ZRANB3: variants seen among roughly 807,000 people sequenced by gnomAD.
ZRANB3 encodes the protein DNA annealing helicase and endonuclease ZRANB3.
ZRANB3 carries 125 observed loss-of-function variants against 133.8 expected under a neutral mutation model. The observed-to-expected ratio is 0.93, with a 90% CI of 0.81 to 1.08. The LOEUF (loss-of-function observed/expected upper bound fraction) is 1.08. ZRANB3 is among the 50% of genes least tolerant of loss of function. ZRANB3 has a pLI of 0.00. For synonymous variants in ZRANB3, 387 were observed against 432.7 expected (o/e 0.89, Z 1.31); for missense variants, 1,229 against 1,275.5 (o/e 0.96, Z 0.56).
rs565426774 is a variant in ZRANB3, at chr2:135,368,493, TTAAAA to T, written c.181-14870_181-14866del. 2.2e-4 allele frequency among the ~76,000 whole-genome samples: 34 copies of T among 152,056 alleles called. No individual in the cohort carries two copies. In the South Asian group the frequency reaches 5.8e-3, roughly 26 times the overall value. On this transcript the variant is annotated intron_variant, in intron 3 of 20. Coordinates refer to ENST00000264159, the MANE Select transcript of ZRANB3 (RefSeq NM_032143.4). ...TAACATCATGTCATAAACTAATAAG[TTAAAA>T]TAAAATAACAAAATATTATGAAAAT...
intron 13 of ZRANB3, among the ~76,000 whole-genome samples, chr2:135,228,932 T>C (rs1338461844): frequency 6.6e-6 from 1 of 152,216 alleles, no homozygotes; most frequent in Non-Finnish European, 1.5e-5. Flanking sequence ...ATTTTCATTG[T>C]TGCTCTTGGT....
At chr2:135,231,606 C>CA (rs896125430) in intron 12 of ZRANB3, among the ~76,000 whole-genome samples, 11 of 151,660 alleles carry the variant, frequency 7.3e-5, no homozygotes, top group South Asian at 2.1e-4. Flanking sequence ...CAAAAAAACA[C>CA]AAAAAAACAA....
rs995706952 is a variant in ZRANB3 at position 135,350,166 on chromosome 2, C to T, written c.409G>A (p.Ala137Thr). ...GCATCTATCAAAGTCTTTGCATCTGCGGTTAAGAGACCATAACCCAGAACT... is the reference window on the plus strand; with the variant it reads ...GCATCTATCAAAGTCTTTGCATCTGTGGTTAAGAGACCATAACCCAGAACT... ...VTVLGYGLLTADAKTLIDALN... is the reference protein window; with the variant it reads ...VTVLGYGLLTTDAKTLIDALN... The change falls in exon 5 of 21, where the codon GCA becomes ACA. Residue 137 changes from alanine to threonine, a missense_variant. Ala to Thr is a moderately conservative substitution (Grantham distance 58). Transcript: ENST00000264159. The T allele has an allele frequency of 9.9e-6, 16 of 1,609,994 alleles. No individual in the cohort carries two copies. The highest frequency in any genetic ancestry group is 4.0e-5 in the African/African-American group (3 of 75,002).
Position 135,229,821 on chromosome 2 carries a change from G to A in ZRANB3, c.1954+692C>T, listed in dbSNP as rs571547758. Among the ~76,000 whole-genome samples, 156 of 152,132 alleles carry A rather than the reference G, an allele frequency of 1.0e-3. 1 individual carries two copies. Among genetic ancestry groups the A allele is most frequent in the African/African-American group, 3.3e-3 (136 of 41,480 alleles). On this transcript the variant is annotated intron_variant, in intron 13 of 20. Transcript: ENST00000264159. Reference sequence around the variant, plus strand: ...TCTATAGAATTGGAAACAAGAATACGCATGATCTTTTTCTTACGACAACCA... The same window carrying A: ...TCTATAGAATTGGAAACAAGAATACACATGATCTTTTTCTTACGACAACCA...
At chr2:135,381,753 C>G (rs1686710154) in intron 3 of ZRANB3, among the ~76,000 whole-genome samples, 1 of 152,160 alleles carries the variant, frequency 6.6e-6, no homozygotes, top group South Asian at 2.1e-4. Flanking sequence ...GGACCTCCAG[C>G]AACTTCCAAC....
intron 12 of ZRANB3, among the ~76,000 whole-genome samples, chr2:135,232,077 C>T (rs541733875): frequency 5.0e-4 from 76 of 152,298 alleles, no homozygotes; most frequent in East Asian, 1.2e-3. Flanking sequence ...CCTGGAAAAT[C>T]GGGTCACTCC....
intron 2 of ZRANB3, among the ~76,000 whole-genome samples, chr2:135,410,525 C>A (rs188863116): frequency 6.6e-6 from 1 of 152,156 alleles, no homozygotes; most frequent in East Asian, 1.9e-4. Context: ...CCTCAAACTA[C>A]AAAATTCCTA....
At chr2:135,292,638 G>C (rs533744929) in intron 8 of ZRANB3, among the ~76,000 whole-genome samples, 9 of 152,254 alleles carry the variant, frequency 5.9e-5, no homozygotes, top group African/African-American at 2.2e-4. Context: ...TGTTGCCATT[G>C]CTTTTGGTGT....
intron 2 of ZRANB3, among the ~76,000 whole-genome samples, chr2:135,498,183 T>C (rs182012834): frequency 7.2e-5 from 11 of 152,130 alleles, no homozygotes; most frequent in Middle Eastern, 3.4e-3. Flanking sequence ...ATTAAAACAA[T>C]AAAGCTTTTA....
intron 2 of ZRANB3, among the ~76,000 whole-genome samples, chr2:135,480,799 A>G (rs1014869901): frequency 2.6e-5 from 3 of 116,914 alleles, no homozygotes; most frequent in African/African-American, 1.1e-4. Flanking sequence ...AGAGTGTGAT[A>G]TTCCCCTTCC....
intron 12 of ZRANB3, among the ~76,000 whole-genome samples, chr2:135,244,671 A>G (rs542178620): frequency 9.2e-5 from 14 of 152,104 alleles, no homozygotes; most frequent in Non-Finnish European, 1.8e-4. Flanking sequence ...CCTCCCCACA[A>G]AAAAAGAATT....
At chr2:135,390,888 G>T (rs1305836169) in intron 2 of ZRANB3, 68 bp from the exon 3 acceptor site, 1 of 1,426,516 alleles carries the variant, frequency 7.0e-7, no homozygotes, top group Non-Finnish European at 9.2e-7. Flanking sequence ...TTGAGATGGA[G>T]TCTCGCTCTG....
chr2:135,379,827 A>G (rs1686604694), intron 3 of ZRANB3, among the ~76,000 whole-genome samples: 1 of 152,206 alleles, frequency 6.6e-6, no homozygotes. Flanking sequence ...CCTTAAATGT[A>G]AATGGGCGAA....
chr2:135,340,493 T>A (rs1280625017), intron 6 of ZRANB3, among the ~76,000 whole-genome samples: 2 of 152,162 alleles, frequency 1.3e-5, no homozygotes, highest in Non-Finnish European at 2.9e-5. Context: ...ATCAATTTTC[T>A]GGATCTACAA....
At chr2:135,224,007 A>G (rs1256596085) in intron 15 of ZRANB3, among the ~76,000 whole-genome samples, 1 of 152,146 alleles carries the variant, frequency 6.6e-6, no homozygotes, top group Non-Finnish European at 1.5e-5. Context: ...TCTGCATTTT[A>G]TTTTTTATTA....
intron 8 of ZRANB3, among the ~76,000 whole-genome samples, chr2:135,297,695 G>C (rs1490019936): frequency 3.3e-5 from 5 of 152,170 alleles, no homozygotes; most frequent in Admixed American, 6.5e-5. Context: ...GACTGGAGCT[G>C]TTCCTATTCA....
chr2:135,392,697 A>G (rs906933157), intron 2 of ZRANB3, among the ~76,000 whole-genome samples: 63 of 152,220 alleles, frequency 4.1e-4, no homozygotes, highest in African/African-American at 1.5e-3. Flanking sequence ...GCAGTGAGCC[A>G]AGATCATGCC....
At chr2:135,505,551 G>C (rs1409415013) in intron 1 of ZRANB3, among the ~76,000 whole-genome samples, 2 of 151,828 alleles carry the variant, frequency 1.3e-5, no homozygotes, top group Non-Finnish European at 2.9e-5. Flanking sequence ...TCCAGCCTGG[G>C]CGACAGAGTG....
At position 135,219,183 on chromosome 2, in the gene ZRANB3, T is replaced by C. The variant is rs1694435025; in HGVS notation, c.2251-5A>G. On this transcript the variant is annotated splice_polypyrimidine_tract_variant and splice_region_variant and intron_variant, in intron 15 of 20. Coordinates refer to ENST00000264159, the MANE Select transcript of ZRANB3 (RefSeq NM_032143.4). ...ACAGCTCATCTGTTTTCCATCCTGA[T>C]GATAGATTAGGAAGACACTAATAAT... 2 of 1,508,276 alleles carry C rather than the reference T, an allele frequency of 1.3e-6. No homozygotes were observed. The highest frequency in any genetic ancestry group is 2.7e-5 in the Admixed American group (1 of 36,936). 93.4% of individuals were successfully genotyped at this position (1,508,276 alleles called of 1,614,324 possible).
Sources: gnomAD v4.1 joint callset for allele counts (sites outside exome capture counted in the v4.1 genomes callset) on GRCh38, gnomAD v4.1.1 for gene constraint, MANE v1.5 for transcripts, NCBI Gene and HGNC (gene_info 2026-07-23, HGNC 2026-07-21) for gene names.